FERMT2: variants seen among roughly 807,000 people sequenced by gnomAD.
FERMT2 encodes fermitin family homolog 2.
In FERMT2, 15 loss-of-function variants were observed where a neutral mutation model predicts 82.7. That is an observed-to-expected ratio of 0.18 (90% confidence interval 0.12 to 0.28). The LOEUF is 0.28. Ranked by LOEUF, FERMT2 falls within the 10% of genes least tolerant of loss-of-function variation. The pLI is 1.00. For missense variants in FERMT2, 645 were observed against 809.4 expected (o/e 0.80, Z 2.46); for synonymous variants, 274 against 271.5 (o/e 1.01, Z -0.09).
chr14:52,898,596 A>T (rs1362272961), intron 3 of FERMT2, among the ~76,000 whole-genome samples: 2 of 152,194 alleles, frequency 1.3e-5, no homozygotes, highest in African/African-American at 2.4e-5. Flanking sequence ...TCTACTTTTA[A>T]TTCACAACGT....
chr14:52,881,625 G>A (rs1231057544), intron 4 of FERMT2, among the ~76,000 whole-genome samples, 156 bp from the exon 5 acceptor site: 2 of 152,144 alleles, frequency 1.3e-5, no homozygotes, highest in Non-Finnish European at 2.9e-5. Flanking sequence ...GAAAACATGT[G>A]TAATTAATTC....
chr14:52,860,709 G>A (rs1393000905), intron 12 of FERMT2: 3 of 557,674 alleles, frequency 5.4e-6, no homozygotes, highest in Non-Finnish European at 9.3e-6. Context: ...GTACATAGTT[G>A]CCACACTTGA....
chr14:52,866,895 G>A (rs1594929380), intron 10 of FERMT2, among the ~76,000 whole-genome samples: 1 of 152,198 alleles, frequency 6.6e-6, no homozygotes, highest in Middle Eastern at 3.4e-3. Flanking sequence ...AGTGGGCTGA[G>A]TTCATTACCA....
At chr14:52,900,071 A>T (rs1404565359) in intron 3 of FERMT2, among the ~76,000 whole-genome samples, 7 of 152,206 alleles carry the variant, frequency 4.6e-5, no homozygotes, top group Non-Finnish European at 1.0e-4. Flanking sequence ...AATGCTCCAG[A>T]ACCTCTATAA....
intron 3 of FERMT2, among the ~76,000 whole-genome samples, chr14:52,895,201 C>T (rs756807201): frequency 1.3e-5 from 2 of 152,178 alleles, no homozygotes; most frequent in East Asian, 1.9e-4. Context: ...ATTAAAAAGA[C>T]GTTACTACTC....
Position 52,948,562 on chromosome 14 carries a change from C to T in FERMT2, c.157+1850G>A, listed in dbSNP as rs564922172. On this transcript the variant is annotated intron_variant, in intron 2 of 14. Coordinates refer to ENST00000341590, the MANE Select transcript of FERMT2 (RefSeq NM_006832.3). ...TTTCCATACGCACAGCATTTCCTACCTTGTTGGGCTTCTTTTCTCTGCATA... is the reference window on the plus strand; with the variant it reads ...TTTCCATACGCACAGCATTTCCTACTTTGTTGGGCTTCTTTTCTCTGCATA... 3.9e-4 allele frequency: 177 copies of T among 455,656 alleles called. 5 individuals carry two copies. Among genetic ancestry groups the T allele is most frequent in the South Asian group, 2.7e-3 (177 of 64,418 alleles). The allele number at this position is 455,656 out of a possible 1,614,324, so 28.2% of individuals were successfully genotyped here. A position where few individuals can be genotyped will look rare whatever the true frequency, so the allele number is the denominator to read the frequency against.
intron 3 of FERMT2, among the ~76,000 whole-genome samples, chr14:52,894,483 C>A (rs892448227): frequency 6.6e-6 from 1 of 152,020 alleles, no homozygotes; most frequent in Non-Finnish European, 1.5e-5. Context: ...TTAAAAAGAA[C>A]AAAATTGGAC....
chr14:52,935,096 A>C (rs972222505), intron 2 of FERMT2, among the ~76,000 whole-genome samples: 1 of 152,230 alleles, frequency 6.6e-6, no homozygotes, highest in Non-Finnish European at 1.5e-5. Context: ...CTAAAATGTG[A>C]GCCATGTTGT....
chr14:52,931,890 G>A (rs1281862892), intron 2 of FERMT2, among the ~76,000 whole-genome samples: 1 of 152,144 alleles, frequency 6.6e-6, no homozygotes, highest in Non-Finnish European at 1.5e-5. Context: ...TTAGCTGGGT[G>A]TGGTAGCACA....
intron 2 of FERMT2, among the ~76,000 whole-genome samples, chr14:52,930,235 C>T (rs1434651992): frequency 6.6e-6 from 1 of 152,188 alleles, no homozygotes; most frequent in Non-Finnish European, 1.5e-5. Flanking sequence ...TTCTCTCTCA[C>T]ATCTTCTAAA....
rs751620780 is a variant in FERMT2, at chr14:52,859,659, G to A, written c.1783C>T (p.Arg595Trp). 8.1e-6 allele frequency: 13 copies of A among 1,612,262 alleles called. No individual in the cohort carries two copies. Among genetic ancestry groups the A allele is most frequent in the South Asian group, 3.3e-5 (3 of 90,634 alleles). The change falls in exon 14 of 15, where the codon CGG becomes TGG. Residue 595 changes from arginine (R) to tryptophan (W), a missense_variant. By Grantham distance (101) the Arg-to-Trp change is moderately radical. Transcript: ENST00000341590. ...LIGIAYNRLI[R>W]MDASTGDAIK... ...GCATCTCCAGTGCTGGCATCCATCC[G>A]AATCAGTCTGTTGTATGCAATTCCA...
At chr14:52,877,600 C>CTTTTTTTTTT (rs1474029995) in intron 7 of FERMT2, among the ~76,000 whole-genome samples, 1 of 9,258 alleles carries the variant, frequency 1.1e-4, no homozygotes, top group African/African-American at 5.1e-4. Flanking sequence ...TTTTTTTTTG[C>CTTTTTTTTTT]TAACCTCACT....
At chr14:52,876,517 T>C (rs1481837497) in intron 7 of FERMT2, among the ~76,000 whole-genome samples, 5 of 152,200 alleles carry the variant, frequency 3.3e-5, no homozygotes, top group Non-Finnish European at 7.3e-5. Flanking sequence ...AAAATGTCTT[T>C]ATGAGTCATA....
At chr14:52,910,466 G>T (rs116664249) in intron 3 of FERMT2, among the ~76,000 whole-genome samples, 1,547 of 151,982 alleles carry the variant, frequency 0.01, 28 homozygotes, top group African/African-American at 0.035. Context: ...CTCTTCATTT[G>T]TGAAGCCTGT....
intron 3 of FERMT2, among the ~76,000 whole-genome samples, chr14:52,907,115 C>T (rs549451732): frequency 5.3e-4 from 81 of 152,250 alleles, no homozygotes; most frequent in African/African-American, 1.8e-3. Flanking sequence ...CAGGCTCAAG[C>T]GATCCTCCCC....
intron 2 of FERMT2, among the ~76,000 whole-genome samples, chr14:52,927,592 T>TTAAAA (rs1889350559): frequency 3.0e-5 from 1 of 33,714 alleles, no homozygotes; most frequent in Non-Finnish European, 5.1e-5. Flanking sequence ...CTCATCCCTA[T>TTAAAA]AAAAAAAAAA....
At chr14:52,933,674 C>A (rs1179575095) in intron 2 of FERMT2, among the ~76,000 whole-genome samples, 2 of 128,608 alleles carry the variant, frequency 1.6e-5, no homozygotes, top group African/African-American at 6.0e-5. Context: ...CACGCCATTG[C>A]ACTCCAGCCT....
intron 2 of FERMT2, among the ~76,000 whole-genome samples, chr14:52,944,122 T>C (rs941863989): frequency 9.2e-5 from 14 of 152,204 alleles, no homozygotes; most frequent in Admixed American, 5.9e-4. Flanking sequence ...TGTCCTCCAC[T>C]TTTAAAGAAC....
At chr14:52,860,282 A>C in intron 13 of FERMT2, 59 bp downstream of exon 13, 1 of 1,517,814 alleles carries the variant, frequency 6.6e-7, no homozygotes, top group South Asian at 1.2e-5. Context: ...TAATTACATG[A>C]GGTAGATTAA....
Sources: gnomAD v4.1 joint callset for allele counts (sites outside exome capture counted in the v4.1 genomes callset) on GRCh38, gnomAD v4.1.1 for gene constraint, MANE v1.5 for transcripts, NCBI Gene and HGNC (gene_info 2026-07-23, HGNC 2026-07-21) for gene names.